Variants in SNRNP200 observed in about 807,000 individuals in gnomAD.
SNRNP200 encodes small nuclear ribonucleoprotein U5 subunit 200.
In SNRNP200, 66 loss-of-function variants were observed where a neutral mutation model predicts 255.2. The observed-to-expected ratio is 0.26, with a 90% CI of 0.21 to 0.32. The LOEUF is 0.32. Ranked by LOEUF, SNRNP200 falls within the 10% of genes least tolerant of loss-of-function variation. The probability of loss-of-function intolerance (pLI) is 1.00; values close to 1 mark genes in which losing one functional copy is unlikely to be tolerated. For synonymous variants in SNRNP200, 939 were observed against 1,027.8 expected (o/e 0.91, Z 1.65); for missense variants, 1,585 against 2,749.8 (o/e 0.58, Z 9.47).
At chr2:96,281,610 A>G (rs776332222) in intron 35 of SNRNP200, 1 of 580,938 alleles carries the variant, frequency 1.7e-6, no homozygotes, top group East Asian at 3.1e-5. Context: ...CCAGCTGCTG[A>G]ATAAGGAAGC....
chr2:96,299,300 A>G, intron 6 of SNRNP200, 29 bp downstream of exon 6: 1 of 1,594,598 alleles, frequency 6.3e-7, no homozygotes, highest in Non-Finnish European at 8.6e-7. Context: ...GTAACCTTGT[A>G]GCAATGAGGA....
rs1159812374 is a variant in SNRNP200 at position 96,278,086 on chromosome 2, A to T, written c.5611-136T>A. ...GCATGTGGGTGGTAATGGGATGGAGATGGGTTTGAGGGAGGTATGGAGCGG... is the reference window on the plus strand; with the variant it reads ...GCATGTGGGTGGTAATGGGATGGAGTTGGGTTTGAGGGAGGTATGGAGCGG... On this transcript the variant is annotated intron_variant, in intron 39 of 44. Transcript: ENST00000323853. The surrounding 1 kb of genome is among the most constrained non-coding windows in gnomAD (Gnocchi z 6.9). The T allele has an allele frequency of 7.2e-6, 11 of 1,529,126 alleles. No homozygotes were observed. Among genetic ancestry groups the T allele is most frequent in the Non-Finnish European group, 9.9e-6 (11 of 1,106,194 alleles). The allele number at this position is 1,529,126 out of a possible 1,614,324, so 94.7% of individuals were successfully genotyped here. A position where few individuals can be genotyped will look rare whatever the true frequency, so the allele number is the denominator to read the frequency against.
Position 96,298,322 on chromosome 2 carries a change from A to C in SNRNP200, c.1081T>G (p.Tyr361Asp). Reference sequence around the variant, plus strand: ...TCCTTCTCGGTTTCATGAAGCTGGTAGAGGAACTTGGATAGCTCTGGGTCA... The same window carrying C: ...TCCTTCTCGGTTTCATGAAGCTGGTCGAGGAACTTGGATAGCTCTGGGTCA... ...EADPELSKFL[Y>D]QLHETEKEDL... Residue 361 changes from tyrosine (Y) to aspartate (D), a missense_variant, in exon 9 of 45, where the codon TAC (tyrosine) becomes GAC (aspartate). By Grantham distance (160) the Tyr-to-Asp change is radical (BLOSUM62 -3). Coordinates refer to ENST00000323853, the MANE Select transcript of SNRNP200 (RefSeq NM_014014.5). 1 of 1,614,228 alleles carries C rather than the reference A, an allele frequency of 6.2e-7. No individual in the cohort carries two copies. Among genetic ancestry groups the C allele is most frequent in the Non-Finnish European group, 8.5e-7 (1 of 1,180,044 alleles).
Position 96,304,934 on chromosome 2 carries a change from C to A in SNRNP200, c.46-66G>T, listed in dbSNP as rs868025271. 1.1e-5 allele frequency: 17 copies of A among 1,558,992 alleles called. No individual in the cohort carries two copies. The Admixed American group carries it at 3.2e-4, about 29-fold the overall frequency. On this transcript the variant is annotated intron_variant, in intron 1 of 44. Coordinates refer to ENST00000323853, the MANE Select transcript of SNRNP200 (RefSeq NM_014014.5). ...GGGCCAATTCCTACTATCATAGTTACCCCAGCTGATGGAAAAAATCGTAGT... is the reference window on the plus strand; with the variant it reads ...GGGCCAATTCCTACTATCATAGTTAACCCAGCTGATGGAAAAAATCGTAGT...
Position 96,286,781 on chromosome 2 carries a change from C to T in SNRNP200, c.3736G>A (p.Ala1246Thr), listed in dbSNP as rs756286217. 16 of 1,614,174 alleles carry T rather than the reference C, an allele frequency of 9.9e-6. No individual in the cohort carries two copies. The highest frequency in any genetic ancestry group is 8.9e-5 in the East Asian group (4 of 44,884). The change falls in exon 28 of 45, where the codon GCC becomes ACC. Residue 1246 changes from alanine to threonine, a missense_variant. Ala to Thr is a moderately conservative substitution (Grantham distance 58). Around this residue, in one of 9 missense-constraint regions of SNRNP200, gnomAD observed 719 missense variants for 1,091.1 expected, o/e 0.66. Coordinates refer to ENST00000323853, the MANE Select transcript of SNRNP200 (RefSeq NM_014014.5). The surrounding 1 kb of genome is among the most constrained non-coding windows in gnomAD (Gnocchi z 4.8). ...HEYFLLKAKY[A>T]QDEHLITFFV... is the part of the protein sequence containing the mutation. ...AATGTAATGAGGTGCTCGTCCTGGGCGTACTTGGCCTTGAGGAGAAAATAC... is the reference window on the plus strand; with the variant it reads ...AATGTAATGAGGTGCTCGTCCTGGGTGTACTTGGCCTTGAGGAGAAAATAC...
intron 16 of SNRNP200, among the ~76,000 whole-genome samples, chr2:96,292,732 T>C (rs1026624569): frequency 1.3e-5 from 2 of 152,226 alleles, no homozygotes; most frequent in Non-Finnish European, 1.5e-5. Flanking sequence ...CTGGTAGTTG[T>C]TGGAGAACTG....
chr2:96,290,456 G>A lies in SNRNP200; in HGVS notation c.2612C>T (p.Thr871Ile). 6.2e-7 allele frequency: 1 copy of A among 1,614,200 alleles called. No individual in the cohort carries two copies. Among genetic ancestry groups the A allele is most frequent in the Non-Finnish European group, 8.5e-7 (1 of 1,180,030 alleles). ...YDTKGEGILI[T>I]SHGELQYYLS... Reference sequence around the variant, plus strand: ...GTAGTACTGTAGCTCCCCATGAGATGTGATGAGTATGCCTTCACCCTTGGT... The same window carrying A: ...GTAGTACTGTAGCTCCCCATGAGATATGATGAGTATGCCTTCACCCTTGGT... The change falls in exon 20 of 45, where the codon ACA (threonine) becomes ATA (isoleucine). Residue 871 changes from threonine (T) to isoleucine (I), a missense_variant. By Grantham distance (89) the Thr-to-Ile change is moderately conservative. Coordinates refer to ENST00000323853, the MANE Select transcript of SNRNP200 (RefSeq NM_014014.5). This position sits in a 1 kb window ranked among gnomAD's most constrained non-coding sequence, Gnocchi z 4.5.
At position 96,304,028 on chromosome 2, in the gene SNRNP200, G is replaced by A. The variant is rs1006221309; in HGVS notation, c.209+677C>T. 5.3e-5 allele frequency among the ~76,000 whole-genome samples: 8 copies of A among 151,820 alleles called. No homozygotes were observed. In the East Asian group the frequency reaches 5.8e-4, roughly 11 times the overall value. ...CCAAGCTCTAACAGAATCTACTGCCGTTGACTATCAACAAAGTATAACAAA... is the reference window on the plus strand; with the variant it reads ...CCAAGCTCTAACAGAATCTACTGCCATTGACTATCAACAAAGTATAACAAA... On this transcript the variant is annotated intron_variant, in intron 2 of 44. Coordinates refer to ENST00000323853, the MANE Select transcript of SNRNP200 (RefSeq NM_014014.5).
intron 14 of SNRNP200, among the ~76,000 whole-genome samples, chr2:96,294,450 C>A (rs1158647282): frequency 6.6e-6 from 1 of 151,804 alleles, no homozygotes; most frequent in Non-Finnish European, 1.5e-5. Context: ...AAAAAAAAAG[C>A]CAGACAGTCA....
chr2:96,284,878 T>C (rs1343192832), intron 30 of SNRNP200: 5 of 525,308 alleles, frequency 9.5e-6, no homozygotes. Flanking sequence ...GCCTTCCAAG[T>C]AGCTGGGATT....
rs1684715787 is a variant in SNRNP200 at position 96,278,970 on chromosome 2, G to A, written c.5162C>T (p.Pro1721Leu). Residue 1721 changes from proline to leucine, a missense_variant, in exon 37 of 45, where the codon CCA (proline) becomes CTA (leucine). Around this residue, in one of 9 missense-constraint regions of SNRNP200, gnomAD observed 279 missense variants for 551.2 expected, o/e 0.51. Coordinates refer to ENST00000323853, the MANE Select transcript of SNRNP200 (RefSeq NM_014014.5). This position sits in a 1 kb window ranked among gnomAD's most constrained non-coding sequence, Gnocchi z 6.9. The part of the protein sequence containing the change: ...KDFFKKFLYE[P>L]LPVESHLDHC... ...GTCCAGGTGAGATTCTACTGGCAAT[G>A]GCTCATATAAGAACTTCTTGAAGAA... 6.2e-7 allele frequency: 1 copy of A among 1,613,942 alleles called. No homozygotes were observed. Among genetic ancestry groups the A allele is most frequent in the South Asian group, 1.1e-5 (1 of 91,082 alleles).
Position 96,283,679 on chromosome 2 carries a change from A to G in SNRNP200, c.4619T>C (p.Leu1540Pro). 1 of 1,614,004 alleles carries G rather than the reference A, an allele frequency of 6.2e-7. No homozygotes were observed. The highest frequency in any genetic ancestry group is 8.5e-7 in the Non-Finnish European group (1 of 1,180,010). Reference sequence around the variant, plus strand: ...ATGGTACACAGGCTTGGCCATGGAGAGCAGGCGGGTTTGTGTATGGCTGAT... The same window carrying G: ...ATGGTACACAGGCTTGGCCATGGAGGGCAGGCGGGTTTGTGTATGGCTGAT... ...FNISHTQTRL[L>P]SMAKPVYHAI... The change falls in exon 33 of 45, where the codon CTC (leucine) becomes CCC (proline). Residue 1540 changes from leucine to proline, a missense_variant. Leu to Pro is a moderately conservative substitution (Grantham distance 98). Around this residue, in one of 9 missense-constraint regions of SNRNP200, gnomAD observed 719 missense variants for 1,091.1 expected, o/e 0.66. Transcript: ENST00000323853. The surrounding 1 kb of genome is among the most constrained non-coding windows in gnomAD (Gnocchi z 4.7).
Position 96,287,243 on chromosome 2 carries a change from G to C in SNRNP200, c.3485-83C>G, listed in dbSNP as rs2063849788. ...TGGGCCTGAGGGCCACTGTGGGAAA[G>C]GGGTAGGGTCTTCCCTTTATGGTCA... On this transcript the variant is annotated intron_variant, in intron 26 of 44. Coordinates refer to ENST00000323853, the MANE Select transcript of SNRNP200 (RefSeq NM_014014.5). This position sits in a 1 kb window ranked among gnomAD's most constrained non-coding sequence, Gnocchi z 5.7. 1 of 1,539,176 alleles carries C rather than the reference G, an allele frequency of 6.5e-7. No homozygotes were observed. The highest frequency in any genetic ancestry group is 1.7e-5 in the Admixed American group (1 of 59,910).
intron 5 of SNRNP200, among the ~76,000 whole-genome samples, chr2:96,300,764 A>C (rs1275764457): frequency 4.2e-4 from 63 of 150,342 alleles, no homozygotes; most frequent in African/African-American, 1.5e-3. Context: ...CTCCGTCTCA[A>C]AAAAAAAAAA....
intron 24 of SNRNP200, 116 bp downstream of exon 24, chr2:96,288,547 T>C (rs376853379): frequency 1.1e-5 from 10 of 878,816 alleles, no homozygotes; most frequent in Admixed American, 1.9e-5. Flanking sequence ...AGAGCAGAAC[T>C]AAGCACTCCT....
rs999933112 is a variant in SNRNP200, at chr2:96,286,585, T to A, written c.3830-101A>T. 3.2e-6 allele frequency: 5 copies of A among 1,586,164 alleles called. No individual in the cohort carries two copies. The African/African-American group carries it at 5.4e-5, about 17-fold the overall frequency. ...ACTGGAAACCTAGGCAGCATATGTA[T>A]CACTCTGTCCCCAGCAAGGGCAAGC... On this transcript the variant is annotated intron_variant, in intron 28 of 44. Transcript: ENST00000323853. This position sits in a 1 kb window ranked among gnomAD's most constrained non-coding sequence, Gnocchi z 4.8.
Position 96,283,169 on chromosome 2 carries a change from T to C in SNRNP200, c.4915+32A>G. 6.2e-7 allele frequency: 1 copy of C among 1,612,968 alleles called. No individual in the cohort carries two copies. Among genetic ancestry groups the C allele is most frequent in the Non-Finnish European group, 8.5e-7 (1 of 1,179,998 alleles). On this transcript the variant is annotated intron_variant, in intron 34 of 44. Coordinates refer to ENST00000323853, the MANE Select transcript of SNRNP200 (RefSeq NM_014014.5). The surrounding 1 kb of genome is among the most constrained non-coding windows in gnomAD (Gnocchi z 4.7). The stretch of plus-strand genomic sequence containing the variant: ...TTAACACCACCACTTGGTGATACCC[T>C]TGCTATGCTCCCCTTCCGTGGCCTG...
At chr2:96,303,785 G>C (rs1217856197) in intron 2 of SNRNP200, among the ~76,000 whole-genome samples, 1 of 151,808 alleles carries the variant, frequency 6.6e-6, no homozygotes, top group Admixed American at 6.6e-5. Context: ...AGCTACTCAG[G>C]AGGCTGAGGC....
At chr2:96,275,963 G>A (rs62153035) in intron 43 of SNRNP200, among the ~76,000 whole-genome samples, 48,189 of 152,080 alleles carry the variant, frequency 0.32, 8,302 homozygotes, top group South Asian at 0.7. Flanking sequence ...CCGAGATCGC[G>A]CCACTGCAGT....
Sources: gnomAD v4.1 joint callset for allele counts (sites outside exome capture counted in the v4.1 genomes callset) on GRCh38, gnomAD v4.1.1 for gene constraint, gnomAD v4.1.1 regional missense constraint, Gnocchi (gnomAD v3.1) non-coding constraint, MANE v1.5 for transcripts, NCBI Gene and HGNC (gene_info 2026-07-23, HGNC 2026-07-21) for gene names.